CRACD: variants seen among roughly 807,000 people sequenced by gnomAD.
The protein encoded by CRACD is capping protein inhibiting regulator of actin dynamics.
A neutral mutation model predicts 106.8 loss-of-function variants in CRACD; 56 were observed. The observed-to-expected ratio is 0.52, with a 90% CI of 0.42 to 0.66. The LOEUF (loss-of-function observed/expected upper bound fraction) is 0.66, where lower values mean the gene tolerates loss of function less well. CRACD is among the 30% of genes least tolerant of loss of function. CRACD has a pLI of 0.00. For missense variants in CRACD, 1,730 were observed against 1,623.2 expected (o/e 1.07, Z -1.13); for synonymous variants, 754 against 670.8 (o/e 1.12, Z -1.92).
At chr4:56,138,223 G>A (rs1199995194) in intron 1 of CRACD, among the ~76,000 whole-genome samples, 3 of 152,140 alleles carry the variant, frequency 2.0e-5, no homozygotes, top group Admixed American at 1.3e-4. Context: ...CAGCACTTTG[G>A]GAGGCTGAGG....
At chr4:56,104,777 C>A (rs1387711119) in intron 1 of CRACD, among the ~76,000 whole-genome samples, 1 of 151,894 alleles carries the variant, frequency 6.6e-6, no homozygotes, top group Non-Finnish European at 1.5e-5. Flanking sequence ...ACCATCCTGG[C>A]TAACATGGTG....
At position 56,221,180 on chromosome 4, in the gene CRACD, G is replaced by T. The variant is rs543184084; in HGVS notation, c.-189+41750G>T. ...TAAATTTTGAAGCATGATCAGATCC[G>T]CATTTTAGAATGATCAACCCGACAG... is the stretch of plus-strand genomic sequence containing the variant. On this transcript the variant is annotated intron_variant, in intron 2 of 10. Coordinates refer to ENST00000682029, the MANE Select transcript of CRACD (RefSeq NM_001393381.1). Among the ~76,000 whole-genome samples the T allele has an allele frequency of 2.2e-4, 34 of 152,206 alleles. No individual in the cohort carries two copies. In the South Asian group the frequency reaches 6.6e-3, roughly 30 times the overall value.
chr4:56,103,175 C>G (rs921458841), intron 1 of CRACD, among the ~76,000 whole-genome samples: 2 of 152,098 alleles, frequency 1.3e-5, no homozygotes, highest in African/African-American at 4.8e-5. Context: ...TTATGTAATT[C>G]CTTGGAGGTG....
intron 1 of CRACD, among the ~76,000 whole-genome samples, chr4:56,082,835 TA>T (rs918087981): frequency 1.7e-4 from 25 of 148,108 alleles, no homozygotes; most frequent in African/African-American, 3.5e-4. Context: ...TTTAGTAAAT[TA>T]AAAAAAAAAG....
chr4:56,104,270 T>C (rs1460105005), intron 1 of CRACD, among the ~76,000 whole-genome samples: 1 of 152,014 alleles, frequency 6.6e-6, no homozygotes, highest in Non-Finnish European at 1.5e-5. Flanking sequence ...GGCATGCGCC[T>C]ATAGTCCCAG....
chr4:56,125,448 C>G (rs1734626232), intron 1 of CRACD, among the ~76,000 whole-genome samples: 1 of 151,948 alleles, frequency 6.6e-6, no homozygotes, highest in African/African-American at 2.4e-5. Flanking sequence ...CTTGCCCTGT[C>G]ACCCAGGCTG....
intron 1 of CRACD, among the ~76,000 whole-genome samples, chr4:56,102,259 A>G (rs1476276259): frequency 6.7e-6 from 1 of 149,106 alleles, no homozygotes; most frequent in Non-Finnish European, 1.5e-5. Context: ...GCCAATCTTA[A>G]TGCATTTACA....
At position 56,314,117 on chromosome 4, in the gene CRACD, A is replaced by T; in HGVS notation, c.615A>T (p.Pro205=). ...DQNGHPGEDK[P]TWHEEEPNPL... Reference sequence around the variant, plus strand: ...ACGGACACCCAGGCGAGGACAAGCCAACGTGGCACGAAGAGGAACCCAATC... The same window carrying T: ...ACGGACACCCAGGCGAGGACAAGCCTACGTGGCACGAAGAGGAACCCAATC... The change falls in exon 8 of 11, where the codon CCA becomes CCT. Residue 205 remains proline, a synonymous_variant. Coordinates refer to ENST00000682029, the MANE Select transcript of CRACD (RefSeq NM_001393381.1). This position sits in a 1 kb window ranked among gnomAD's most constrained non-coding sequence, Gnocchi z 4.4. 4 of 1,614,222 alleles carry T rather than the reference A, an allele frequency of 2.5e-6. No homozygotes were observed. The highest frequency in any genetic ancestry group is 3.4e-6 in the Non-Finnish European group (4 of 1,180,046).
intron 1 of CRACD, among the ~76,000 whole-genome samples, chr4:56,116,654 A>G (rs1734294597): frequency 6.6e-6 from 1 of 152,208 alleles, no homozygotes; most frequent in South Asian, 2.1e-4. Flanking sequence ...AATGTAAGTG[A>G]CATAGTGCAT....
At chr4:56,282,969 T>C (rs1196851189) in intron 3 of CRACD, among the ~76,000 whole-genome samples, 1 of 152,202 alleles carries the variant, frequency 6.6e-6, no homozygotes, top group Non-Finnish European at 1.5e-5. Flanking sequence ...GCCTAGTGTG[T>C]GAGAGATGGA....
intron 1 of CRACD, among the ~76,000 whole-genome samples, chr4:56,166,104 A>G (rs1419342462): frequency 6.6e-6 from 1 of 152,060 alleles, no homozygotes; most frequent in Non-Finnish European, 1.5e-5. Flanking sequence ...GCCTCAAGCG[A>G]TCCTCCCTTC....
intron 1 of CRACD, among the ~76,000 whole-genome samples, chr4:56,051,607 G>C (rs2109774826): frequency 6.6e-6 from 1 of 152,236 alleles, no homozygotes; most frequent in South Asian, 2.1e-4. Flanking sequence ...AAGCAACAAT[G>C]CCAGGGACAG....
chr4:56,225,911 C>T (rs1001328520), intron 2 of CRACD, among the ~76,000 whole-genome samples: 1 of 152,222 alleles, frequency 6.6e-6, no homozygotes, highest in African/African-American at 2.4e-5. Flanking sequence ...GTCACATCTT[C>T]AAGCTGTTGC....
chr4:56,112,042 T>A (rs910205469), intron 1 of CRACD, among the ~76,000 whole-genome samples: 4 of 152,166 alleles, frequency 2.6e-5, no homozygotes, highest in Non-Finnish European at 5.9e-5. Flanking sequence ...GAAGTAGAAA[T>A]TGCACCTAAA....
intron 1 of CRACD, among the ~76,000 whole-genome samples, chr4:56,159,389 G>T (rs7686612): frequency 0.28 from 42,041 of 152,098 alleles, 6,055 homozygotes; most frequent in South Asian, 0.31. Context: ...GGTGGCTCAC[G>T]CCTGTAATCC....
chr4:56,173,537 A>C (rs1736464843), intron 1 of CRACD, among the ~76,000 whole-genome samples: 1 of 152,210 alleles, frequency 6.6e-6, no homozygotes, highest in South Asian at 2.1e-4. Flanking sequence ...ATATGTTTAG[A>C]GCTTCATCAG....
intron 1 of CRACD, among the ~76,000 whole-genome samples, chr4:56,076,675 A>G (rs1560443893): frequency 6.6e-6 from 1 of 152,110 alleles, no homozygotes; most frequent in Non-Finnish European, 1.5e-5. Flanking sequence ...TTCTTTGCTA[A>G]ATTCTTTCAG....
At chr4:56,304,204 T>C (rs2109737769) in intron 4 of CRACD, among the ~76,000 whole-genome samples, 1 of 152,236 alleles carries the variant, frequency 6.6e-6, no homozygotes, top group East Asian at 1.9e-4. Context: ...CTCTGTTCCC[T>C]GTCCCTTCCT....
At chr4:56,133,800 G>A (rs578068039) in intron 1 of CRACD, among the ~76,000 whole-genome samples, 3 of 152,172 alleles carry the variant, frequency 2.0e-5, no homozygotes, top group South Asian at 2.1e-4. Flanking sequence ...ATATTTACTC[G>A]AATGACAAGT....
Sources: gnomAD v4.1 joint callset for allele counts (sites outside exome capture counted in the v4.1 genomes callset) on GRCh38, gnomAD v4.1.1 for gene constraint, Gnocchi (gnomAD v3.1) non-coding constraint, MANE v1.5 for transcripts, NCBI Gene and HGNC (gene_info 2026-07-23, HGNC 2026-07-21) for gene names.